The following MAN1C1 variants were observed in gnomAD, a reference collection of about 807,000 sequenced individuals.
MAN1C1 encodes the protein mannosidase alpha class 1C member 1, also known as mannosyl-oligosaccharide 1,2-alpha-mannosidase IC.
MAN1C1 carries 49 observed loss-of-function variants against 71.5 expected under a neutral mutation model. The observed-to-expected ratio is 0.69, with a 90% CI of 0.54 to 0.87. The LOEUF is 0.87. MAN1C1 is among the 40% of genes least tolerant of loss of function. The pLI is 0.00. For synonymous variants in MAN1C1, 352 were observed against 343.7 expected (o/e 1.02, Z -0.27); for missense variants, 743 against 835.0 (o/e 0.89, Z 1.36).
rs1262295423 is a variant in MAN1C1 at position 25,631,960 on chromosome 1, G to T, written c.540+13623G>T. The stretch of plus-strand genomic sequence containing the variant: ...CTAATTTTTGTATTTTTTGTAGGAT[G>T]GGGTTTCACCATGTTGGCTAGGCTG... On this transcript the variant is annotated intron_variant, in intron 1 of 11. Coordinates refer to ENST00000374332, the MANE Select transcript of MAN1C1 (RefSeq NM_020379.4). The surrounding 1 kb of genome is among the most constrained non-coding windows in gnomAD (Gnocchi z 4.2). 6.6e-6 allele frequency among the ~76,000 whole-genome samples: 1 copy of T among 152,184 alleles called. No homozygotes were observed. The highest frequency in any genetic ancestry group is 2.4e-5 in the African/African-American group (1 of 41,534).
chr1:25,755,205 C>T (rs1403596993), intron 5 of MAN1C1, among the ~76,000 whole-genome samples: 1 of 152,210 alleles, frequency 6.6e-6, no homozygotes, highest in Non-Finnish European at 1.5e-5. Flanking sequence ...GCTGCACCTC[C>T]TCACTGGTGT....
At chr1:25,756,603 T>G (rs1461920439) in intron 5 of MAN1C1, among the ~76,000 whole-genome samples, 2 of 152,100 alleles carry the variant, frequency 1.3e-5, no homozygotes, top group East Asian at 3.9e-4. Context: ...AAGTCTCAGT[T>G]AGCCTTGGGG....
chr1:25,763,604 T>C, intron 6 of MAN1C1: 1 of 424,380 alleles, frequency 2.4e-6, no homozygotes, highest in Non-Finnish European at 4.3e-6. Flanking sequence ...AGGCAGTGGT[T>C]CTGGGGTTGA....
In MAN1C1 at chr1:25,771,789, A is replaced by T. The variant is rs776620640; in HGVS notation, c.1257+17A>T. The T allele has an allele frequency of 6.3e-6, 10 of 1,591,626 alleles. No individual in the cohort carries two copies. In the Admixed American group the frequency reaches 1.5e-4, roughly 24 times the overall value. The stretch of plus-strand genomic sequence containing the variant: ...GCCTTGGAGGTAAGACAAGCCCTGG[A>T]TTATTCACAGGCCGCTGGTCACCAG... On this transcript the variant is annotated intron_variant, in intron 8 of 11. Coordinates refer to ENST00000374332, the MANE Select transcript of MAN1C1 (RefSeq NM_020379.4).
chr1:25,661,290 T>C (rs1174073260), intron 1 of MAN1C1, among the ~76,000 whole-genome samples: 1 of 152,264 alleles, frequency 6.6e-6, no homozygotes, highest in Non-Finnish European at 1.5e-5. Flanking sequence ...TTTCATTCAC[T>C]GACTCATTTA....
intron 2 of MAN1C1, among the ~76,000 whole-genome samples, chr1:25,740,258 G>A (rs978267776): frequency 6.6e-6 from 1 of 152,266 alleles, no homozygotes; most frequent in South Asian, 2.1e-4. Flanking sequence ...AGTGGAGGCT[G>A]AAGGGACAGC....
chr1:25,722,865 G>T (rs1387757480), intron 2 of MAN1C1, among the ~76,000 whole-genome samples: 1 of 152,292 alleles, frequency 6.6e-6, no homozygotes, highest in East Asian at 1.9e-4. Context: ...AATCCAATGG[G>T]AACTCAATAT....
rs34222406 is a variant in MAN1C1, at chr1:25,730,402, A to AT, written c.638-16251dup. Among the ~76,000 whole-genome samples, 230 of 145,816 alleles carry AT rather than the reference A, an allele frequency of 1.6e-3. 1 individual carries two copies. Among genetic ancestry groups the AT allele is most frequent in the East Asian group, 3.2e-3 (16 of 4,994 alleles). ...CTGAAAGCCACACTGCCAAAATCAG[A>AT]TTTTTTTTTTTTTTTAGTTTTCTCA... On this transcript the variant is annotated intron_variant, in intron 2 of 11. Transcript: ENST00000374332. This position sits in a 1 kb window ranked among gnomAD's most constrained non-coding sequence, Gnocchi z 4.3.
chr1:25,714,147 G>A (rs143293953), intron 2 of MAN1C1, among the ~76,000 whole-genome samples: 7 of 152,260 alleles, frequency 4.6e-5, no homozygotes, highest in South Asian at 2.1e-4. Context: ...TCATATGGGC[G>A]AAATCTGAGG....
intron 2 of MAN1C1, among the ~76,000 whole-genome samples, chr1:25,726,075 G>GCTC (rs1204217686): frequency 6.6e-6 from 1 of 152,228 alleles, no homozygotes; most frequent in East Asian, 1.9e-4. Context: ...TCTTAACACT[G>GCTC]CTCCGACTGT....
intron 6 of MAN1C1, chr1:25,758,922 T>G: frequency 1.8e-6 from 1 of 557,764 alleles, no homozygotes; most frequent in Non-Finnish European, 3.2e-6. Flanking sequence ...GTCAATAAGA[T>G]TCTACAGAGG....
intron 2 of MAN1C1, among the ~76,000 whole-genome samples, chr1:25,728,316 C>A (rs1456937217): frequency 6.6e-6 from 1 of 152,172 alleles, no homozygotes; most frequent in Non-Finnish European, 1.5e-5. Context: ...AAGCCAGTAA[C>A]CCCATGACAG....
intron 1 of MAN1C1, among the ~76,000 whole-genome samples, chr1:25,624,998 ATT>A (rs1032269792): frequency 3.2e-4 from 33 of 101,580 alleles, no homozygotes; most frequent in African/African-American, 1.3e-3. Flanking sequence ...AAATGCACAG[ATT>A]TTTTTTTTTT....
chr1:25,720,007 C>T (rs949645058), intron 2 of MAN1C1, among the ~76,000 whole-genome samples: 1 of 152,096 alleles, frequency 6.6e-6, no homozygotes, highest in African/African-American at 2.4e-5. Context: ...TGATCTCAAA[C>T]TCCAGACCTC....
intron 1 of MAN1C1, among the ~76,000 whole-genome samples, chr1:25,662,232 AG>A (rs1339302099): frequency 1.3e-5 from 2 of 152,262 alleles, no homozygotes; most frequent in Non-Finnish European, 2.9e-5. Context: ...GGAAATGCTC[AG>A]GAAAACCTTG....
intron 1 of MAN1C1, among the ~76,000 whole-genome samples, chr1:25,653,798 G>T (rs992349628): frequency 6.6e-6 from 1 of 152,206 alleles, no homozygotes; most frequent in African/African-American, 2.4e-5. Flanking sequence ...GGGCCAGGTC[G>T]GGGCGGGGAG....
chr1:25,669,512 A>G (rs1460474083), intron 1 of MAN1C1, among the ~76,000 whole-genome samples: 1 of 152,140 alleles, frequency 6.6e-6, no homozygotes, highest in African/African-American at 2.4e-5. Context: ...TGTGCTTTTA[A>G]CCATAGCACT....
chr1:25,736,203 A>C (rs2046980713), intron 2 of MAN1C1, among the ~76,000 whole-genome samples: 1 of 152,160 alleles, frequency 6.6e-6, no homozygotes, highest in African/African-American at 2.4e-5. Context: ...AAAATGCCCC[A>C]GTCCCTGCCC....
chr1:25,692,251 C>T (rs1419810226), intron 2 of MAN1C1, among the ~76,000 whole-genome samples: 1 of 152,220 alleles, frequency 6.6e-6, no homozygotes, highest in Non-Finnish European at 1.5e-5. Context: ...GCCAAGTCAC[C>T]ACTAGCAACT....
Sources: allele counts gnomAD v4.1 joint callset (sites outside exome capture counted in the v4.1 genomes callset), GRCh38; gene constraint gnomAD v4.1.1; non-coding constraint Gnocchi (gnomAD v3.1); transcripts MANE v1.5; gene names NCBI Gene and HGNC (gene_info 2026-07-23, HGNC 2026-07-21).